ACLY: variants seen among roughly 807,000 people sequenced by gnomAD.
ACLY encodes the protein ATP-citrate synthase.
In ACLY, 41 loss-of-function variants were observed where a neutral mutation model predicts 133.0. The ratio of observed to expected loss-of-function variants is 0.31; its 90% CI spans 0.24 to 0.40. ACLY has a LOEUF of 0.40. Ranked by LOEUF, ACLY falls within the 10% of genes least tolerant of loss-of-function variation. The pLI is 1.00. For missense variants in ACLY, 1,046 were observed against 1,453.8 expected (o/e 0.72, Z 4.56); for synonymous variants, 495 against 549.3 (o/e 0.90, Z 1.38).
intron 20 of ACLY, among the ~76,000 whole-genome samples, chr17:41,879,877 G>T (rs1210207470): frequency 6.6e-6 from 1 of 151,540 alleles, no homozygotes. Flanking sequence ...CACCACAGGT[G>T]TATGCCTGGC....
intron 10 of ACLY, among the ~76,000 whole-genome samples, chr17:41,903,091 T>C (rs1213036098): frequency 6.6e-6 from 1 of 152,202 alleles, no homozygotes; most frequent in Non-Finnish European, 1.5e-5. Context: ...GCCCAGCCTC[T>C]CACTTCTTGA....
chr17:41,869,270 C>G (rs2048539144), intron 26 of ACLY, 145 bp from the exon 27 acceptor site: 1 of 857,046 alleles, frequency 1.2e-6, no homozygotes, highest in Non-Finnish European at 1.9e-6. Context: ...GTGTCTGACT[C>G]AGTTCAATTC....
chr17:41,876,991 G>A (rs368003449), intron 22 of ACLY, among the ~76,000 whole-genome samples: 1 of 151,926 alleles, frequency 6.6e-6, no homozygotes, highest in Non-Finnish European at 1.5e-5. Flanking sequence ...GACGGGGACT[G>A]AATTCCTGAA....
chr17:41,910,340 G>A (rs1033606742), intron 3 of ACLY, 56 bp from the exon 4 acceptor site: 5 of 1,512,822 alleles, frequency 3.3e-6, no homozygotes, highest in Non-Finnish European at 3.6e-6. Flanking sequence ...TTGCCCCTAG[G>A]GCAGAAGGAG....
intron 22 of ACLY, among the ~76,000 whole-genome samples, chr17:41,875,211 G>A (rs535748946): frequency 1.3e-5 from 2 of 152,150 alleles, no homozygotes; most frequent in Admixed American, 6.5e-5. Flanking sequence ...TTAGCTGGGC[G>A]TGGTGGTATG....
chr17:41,904,667 C>A, intron 10 of ACLY, 62 bp downstream of exon 10: 1 of 1,508,490 alleles, frequency 6.6e-7, no homozygotes, highest in South Asian at 1.2e-5. Flanking sequence ...GCTTTCAAGG[C>A]CCCTTCCCTG....
intron 23 of ACLY, among the ~76,000 whole-genome samples, chr17:41,873,485 A>G (rs2048652078): frequency 6.6e-6 from 1 of 152,046 alleles, no homozygotes; most frequent in Non-Finnish European, 1.5e-5. Flanking sequence ...CTAGCCCATA[A>G]GGTACTTTCT....
At chr17:41,874,984 G>C (rs1261145906) in intron 22 of ACLY, among the ~76,000 whole-genome samples, 1 of 151,518 alleles carries the variant, frequency 6.6e-6, no homozygotes, top group African/African-American at 2.4e-5. Flanking sequence ...GGTCACCTGG[G>C]TAAGAAATGG....
chr17:41,883,118 A>G lies in ACLY; in HGVS notation c.2265+4T>C. On this transcript the variant is annotated splice_donor_region_variant and intron_variant, in intron 20 of 28. Transcript: ENST00000352035. ...AGCCCAGAAGTGACCCATCTCAGCC[A>G]TACCTCAGAGGAGAACATGGTGGCA... 5 of 1,611,812 alleles carry G rather than the reference A, an allele frequency of 3.1e-6. No homozygotes were observed. The highest frequency in any genetic ancestry group is 2.2e-5 in the South Asian group (2 of 90,812).
intron 22 of ACLY, among the ~76,000 whole-genome samples, chr17:41,876,295 G>C (rs1439713052): frequency 6.7e-6 from 1 of 150,346 alleles, no homozygotes; most frequent in Non-Finnish European, 1.5e-5. Context: ...GAGGTGGGGG[G>C]GTCAGCCCCC....
intron 6 of ACLY, among the ~76,000 whole-genome samples, chr17:41,908,605 A>G (rs1290165926): frequency 6.6e-6 from 1 of 152,218 alleles, no homozygotes; most frequent in Non-Finnish European, 1.5e-5. Context: ...TCTCTACTAA[A>G]AATAAAAAAT....
intron 15 of ACLY, 136 bp from the exon 16 acceptor site, chr17:41,892,583 C>T: frequency 1.3e-6 from 1 of 750,674 alleles, no homozygotes; most frequent in South Asian, 1.8e-5. Flanking sequence ...ATCTAAGGGA[C>T]AAAGATCCCC....
chr17:41,918,986 GGCCCA>G (rs1567918811), upstream of ACLY: 1 of 1,287,878 alleles, frequency 7.8e-7, no homozygotes, highest in Non-Finnish European at 1.0e-6. Flanking sequence ...CTTTTGTCCC[GGCCCA>G]GCCGGACTTT....
At position 41,913,905 on chromosome 17, in the gene ACLY, G is replaced by C; in HGVS notation, c.-23-9C>G. 1 of 1,613,744 alleles carries C rather than the reference G, an allele frequency of 6.2e-7. No individual in the cohort carries two copies. Among genetic ancestry groups the C allele is most frequent in the Non-Finnish European group, 8.5e-7 (1 of 1,179,740 alleles). ...AGAGAGACCTGCTCTACCTGTCTGG[G>C]AGAGAGAAGCTGGTCAGAAGGGGGC... On this transcript the variant is annotated splice_polypyrimidine_tract_variant and intron_variant, in intron 1 of 28. Transcript: ENST00000352035.
In ACLY at chr17:41,916,234, T is replaced by C. The variant is rs144490242; in HGVS notation, c.-23-2338A>G. Among the ~76,000 whole-genome samples, 670 of 152,244 alleles carry C rather than the reference T, an allele frequency of 4.4e-3. 3 individuals are homozygous for C. Among genetic ancestry groups the C allele is most frequent in the Admixed American group, 8.1e-3 (123 of 15,278 alleles). On this transcript the variant is annotated intron_variant, in intron 1 of 28. Coordinates refer to ENST00000352035, the MANE Select transcript of ACLY (RefSeq NM_001096.3). Reference sequence around the variant, plus strand: ...AGACGGGAGGTTGAGACAAGGAATGTATACAACATAATAAAAATAAGGCCT... The same window carrying C: ...AGACGGGAGGTTGAGACAAGGAATGCATACAACATAATAAAAATAAGGCCT...
At chr17:41,872,892 C>G (rs1555625372) in intron 23 of ACLY, among the ~76,000 whole-genome samples, 1 of 152,168 alleles carries the variant, frequency 6.6e-6, no homozygotes, top group African/African-American at 2.4e-5. Flanking sequence ...AGAGAGAGAC[C>G]TGCTCAGGTG....
At chr17:41,868,806 T>C (rs2048529336) in intron 27 of ACLY, 21 bp from the exon 28 acceptor site, 4 of 1,612,970 alleles carry the variant, frequency 2.5e-6, no homozygotes, top group African/African-American at 1.3e-5. Flanking sequence ...CATCAACTTG[T>C]AGTTTTAAAA....
At chr17:41,896,768 T>C (rs11652326) in intron 13 of ACLY, 119 bp from the exon 14 acceptor site, 770,511 of 843,296 alleles carry the variant, frequency 0.91, 352,934 homozygotes, top group East Asian at 1. Flanking sequence ...AAAGCCCTCA[T>C]CATCCCTCTC....
At chr17:41,868,265 C>G (rs985656575) in intron 28 of ACLY, among the ~76,000 whole-genome samples, 1 of 151,582 alleles carries the variant, frequency 6.6e-6, no homozygotes, top group African/African-American at 2.4e-5. Flanking sequence ...GGTGAAACCC[C>G]GTCTCTACTA....
Sources: allele counts gnomAD v4.1 joint callset (sites outside exome capture counted in the v4.1 genomes callset), GRCh38; gene constraint gnomAD v4.1.1; transcripts MANE v1.5; gene names NCBI Gene and HGNC (gene_info 2026-07-23, HGNC 2026-07-21).